The following FAM81B variants were observed in gnomAD, a reference collection of about 807,000 sequenced individuals.
The protein encoded by FAM81B is family with sequence similarity 81 member B.
In FAM81B, 60 loss-of-function variants were observed where a neutral mutation model predicts 58.7. The ratio of observed to expected loss-of-function variants is 1.02; its 90% CI spans 0.83 to 1.27. The LOEUF is 1.27. Ranked by LOEUF, FAM81B falls within the 50% of genes most tolerant of loss-of-function variation. FAM81B has a pLI of 0.00. For synonymous variants in FAM81B, 189 were observed against 179.6 expected (o/e 1.05, Z -0.42); for missense variants, 491 against 522.0 (o/e 0.94, Z 0.58).
chr5:95,440,166 CT>C (rs1306847088), intron 7 of FAM81B: 1 of 593,402 alleles, frequency 1.7e-6, no homozygotes, highest in Non-Finnish European at 3.2e-6. Flanking sequence ...CTCAGAGGTG[CT>C]GACAAGTCCT....
chr5:95,448,451 T>C lies in FAM81B; in HGVS notation c.1212T>C (p.Asn404=). 1 of 1,605,276 alleles carries C rather than the reference T, an allele frequency of 6.2e-7. No individual in the cohort carries two copies. The highest frequency in any genetic ancestry group is 8.5e-7 in the Non-Finnish European group (1 of 1,177,746). ...GGGGTGAATTAGAGACAATGCAGAA[T>C]GAATATCAATCAGGTGAGCAGATAC... The part of the protein sequence containing the change: ...QIWGELETMQ[N]EYQSGFKSIH... The change falls in exon 9 of 10, where the codon AAT becomes AAC. Residue 404 remains asparagine, a synonymous_variant. Transcript: ENST00000283357.
In FAM81B at chr5:95,391,481, A is replaced by G; in HGVS notation, c.92A>G (p.Asn31Ser). The G allele has an allele frequency of 6.2e-7, 1 of 1,613,724 alleles. No homozygotes were observed. The highest frequency in any genetic ancestry group is 8.5e-7 in the Non-Finnish European group (1 of 1,179,798). ...TTCAAAAATATCAAATCTACAAAAA[A>G]TAAAGCTGGAAAAGCAAGCATCATG... The part of the protein sequence containing the change: ...LFFKNIKSTK[N>S]KAGKASIMSS... The change falls in exon 1 of 10, where the codon AAT becomes AGT. Residue 31 changes from asparagine to serine, a missense_variant. Coordinates refer to ENST00000283357, the MANE Select transcript of FAM81B (RefSeq NM_152548.3).
chr5:95,439,607 A>C (rs961396878), intron 7 of FAM81B, among the ~76,000 whole-genome samples: 62 of 122,420 alleles, frequency 5.1e-4, no homozygotes, highest in African/African-American at 1.9e-3. Context: ...AGACAGGGTT[A>C]TTTTTTTTTT....
Position 95,436,916 on chromosome 5 carries a change from T to C in FAM81B, c.893+10T>C, listed in dbSNP as rs377118429. 43 of 1,598,828 alleles carry C rather than the reference T, an allele frequency of 2.7e-5. No individual in the cohort carries two copies. Among genetic ancestry groups the C allele is most frequent in the Admixed American group, 6.7e-5 (4 of 59,978 alleles). On this transcript the variant is annotated intron_variant, in intron 7 of 9. Transcript: ENST00000283357. ...ACCTTTTGGAATTCAAGTAAGTGAA[T>C]AGAAGATTTTTAATTCTGTTAAGTG...
chr5:95,417,093 G>C (rs536479162), intron 4 of FAM81B, among the ~76,000 whole-genome samples: 1 of 152,264 alleles, frequency 6.6e-6, no homozygotes, highest in South Asian at 2.1e-4. Context: ...ATGTATCTGC[G>C]TTTGGATTAT....
chr5:95,422,464 T>C (rs1369519311), intron 5 of FAM81B, among the ~76,000 whole-genome samples: 2 of 152,230 alleles, frequency 1.3e-5, no homozygotes, highest in East Asian at 3.9e-4. Context: ...GCAAAGAAGA[T>C]AAAACCAAAC....
chr5:95,424,048 A>G (rs765724597), intron 5 of FAM81B: 2 of 1,289,660 alleles, frequency 1.6e-6, no homozygotes, highest in South Asian at 1.2e-5. Flanking sequence ...TCTATCATCT[A>G]GGACCTCCCT....
At chr5:95,403,232 G>A (rs911265560) in intron 3 of FAM81B, among the ~76,000 whole-genome samples, 7 of 152,138 alleles carry the variant, frequency 4.6e-5, no homozygotes, top group African/African-American at 1.7e-4. Flanking sequence ...GGAGTAATCT[G>A]TATTTTAACA....
intron 3 of FAM81B, among the ~76,000 whole-genome samples, 163 bp from the exon 4 acceptor site, chr5:95,413,784 G>T (rs1004852388): frequency 7.2e-5 from 11 of 152,276 alleles, no homozygotes; most frequent in Admixed American, 2.0e-4. Flanking sequence ...CTTCTTAGAT[G>T]AGACCTTCAC....
chr5:95,406,260 G>C (rs1762243924), intron 3 of FAM81B: 1 of 154,682 alleles, frequency 6.5e-6, no homozygotes, highest in Non-Finnish European at 1.5e-5. Context: ...CTGTGGAAGG[G>C]AAGGGAAATG....
At chr5:95,428,257 G>A (rs1310286661) in intron 5 of FAM81B, among the ~76,000 whole-genome samples, 4 of 152,120 alleles carry the variant, frequency 2.6e-5, no homozygotes, top group African/African-American at 9.7e-5. Context: ...CTAACCATAG[G>A]CAGCAGCGTA....
At chr5:95,438,768 A>AAAATTAC in intron 7 of FAM81B, among the ~76,000 whole-genome samples, 1 of 149,352 alleles carries the variant, frequency 6.7e-6, no homozygotes, top group African/African-American at 2.5e-5. Context: ...TTAAAAATTA[A>AAAATTAC]AAATATGCAT....
intron 3 of FAM81B, among the ~76,000 whole-genome samples, chr5:95,401,237 G>T (rs1762104514): frequency 6.6e-6 from 1 of 152,156 alleles, no homozygotes; most frequent in Admixed American, 6.5e-5. Flanking sequence ...CACTGGAAAA[G>T]AATCACAACC....
intron 9 of FAM81B, chr5:95,448,878 G>T: frequency 2.8e-6 from 1 of 363,504 alleles, no homozygotes; most frequent in South Asian, 2.2e-5. Context: ...TGTCAGACTG[G>T]AGACCTGACC....
chr5:95,396,912 C>T (rs1761980580), intron 3 of FAM81B: 1 of 152,080 alleles, frequency 6.6e-6, no homozygotes, highest in South Asian at 2.1e-4. Context: ...TTAGTTTTTT[C>T]ATTTGAAAAA....
intron 3 of FAM81B, among the ~76,000 whole-genome samples, chr5:95,409,205 C>T (rs1046426362): frequency 1.3e-5 from 2 of 152,162 alleles, no homozygotes; most frequent in African/African-American, 4.8e-5. Context: ...GTCGCCCAGG[C>T]TGGAGTGTGG....
At chr5:95,420,171 C>T in intron 4 of FAM81B, 113 bp from the exon 5 acceptor site, 1 of 1,298,606 alleles carries the variant, frequency 7.7e-7, no homozygotes, top group Non-Finnish European at 1.1e-6. Context: ...CTCACTCATG[C>T]ACACCATCAG....
At chr5:95,406,927 A>C (rs773954131) in intron 3 of FAM81B, among the ~76,000 whole-genome samples, 13 of 151,864 alleles carry the variant, frequency 8.6e-5, no homozygotes, top group Non-Finnish European at 2.9e-5. Flanking sequence ...GTTCTCACTA[A>C]CTCTCAATTC....
Position 95,420,536 on chromosome 5 carries a change from G to C in FAM81B, c.656+134G>C, listed in dbSNP as rs777622822. On this transcript the variant is annotated intron_variant, in intron 5 of 9. Transcript: ENST00000283357. ...GCTAAACTAATGAGATGGCATTTGA[G>C]AAAGTGTACCATAGAACTTTCAATG... 5.5e-6 allele frequency: 7 copies of C among 1,282,882 alleles called. No individual in the cohort carries two copies. In the East Asian group the frequency reaches 7.5e-5, roughly 14 times the overall value. The allele number at this position is 1,282,882 out of a possible 1,614,324, so 79.5% of individuals were successfully genotyped here. A position where few individuals can be genotyped will look rare whatever the true frequency, so the allele number is the denominator to read the frequency against.
Sources: allele counts gnomAD v4.1 joint callset (sites outside exome capture counted in the v4.1 genomes callset), GRCh38; gene constraint gnomAD v4.1.1; transcripts MANE v1.5; gene names NCBI Gene and HGNC (gene_info 2026-07-23, HGNC 2026-07-21).